The following VWDE variants were observed in gnomAD, a reference collection of about 807,000 sequenced individuals.
VWDE encodes von Willebrand factor D and EGF domains, also known as von Willebrand factor D and EGF domain-containing protein.
VWDE carries 207 observed loss-of-function variants against 178.4 expected under a neutral mutation model. The observed-to-expected ratio is 1.16, with a 90% CI of 1.04 to 1.30. VWDE has a LOEUF of 1.30. Ranked by LOEUF, VWDE falls within the 50% of genes most tolerant of loss-of-function variation. VWDE has a pLI of 0.00. For missense variants in VWDE, 2,287 were observed against 1,901.3 expected (o/e 1.20, Z -3.77); for synonymous variants, 738 against 651.4 (o/e 1.13, Z -2.02).
rs148582492 is a variant in VWDE at position 12,389,149 on chromosome 7, T to A, written c.453A>T (p.Gly151=). The A allele has an allele frequency of 6.5e-7, 1 of 1,550,280 alleles. No homozygotes were observed. Among genetic ancestry groups the A allele is most frequent in the East Asian group, 2.4e-5 (1 of 40,908 alleles). Residue 151 remains glycine, a synonymous_variant, in exon 3 of 29, where the codon GGA becomes GGT. Transcript: ENST00000275358. ...TACCTTCCGCACAGTAGCCCATACATCCCTGAGTTGGTTGTAGTAAGTATA... is the reference window on the plus strand; with the variant it reads ...TACCTTCCGCACAGTAGCCCATACAACCCTGAGTTGGTTGTAGTAAGTATA... The part of the protein sequence containing the change: ...FSVYLLQPTQ[G]CMGYCAEAIS...
chr7:12,346,258 A>G (rs1236653293), intron 19 of VWDE, among the ~76,000 whole-genome samples: 2 of 152,170 alleles, frequency 1.3e-5, no homozygotes, highest in Admixed American at 1.3e-4. Context: ...ATCACCTCAT[A>G]CACATGAGCC....
At chr7:12,368,017 T>C (rs2128554970) in intron 12 of VWDE, among the ~76,000 whole-genome samples, 1 of 152,082 alleles carries the variant, frequency 6.6e-6, no homozygotes, top group East Asian at 1.9e-4. Flanking sequence ...TGAATACAAC[T>C]CTACTAGCAG....
At chr7:12,372,197 T>G (rs1211461404) in intron 10 of VWDE, among the ~76,000 whole-genome samples, 3 of 152,120 alleles carry the variant, frequency 2.0e-5, no homozygotes, top group African/African-American at 7.2e-5. Context: ...ATTTGCTCAT[T>G]TTAATCGGAG....
chr7:12,344,519 A>C, intron 19 of VWDE, 50 bp from the exon 20 acceptor site: 1 of 1,405,314 alleles, frequency 7.1e-7, no homozygotes, highest in Non-Finnish European at 9.7e-7. Context: ...CAGAACATAC[A>C]TATTGCTCAG....
intron 7 of VWDE, 60 bp downstream of exon 7, chr7:12,377,716 G>GA (rs144769747): frequency 7.9e-5 from 90 of 1,143,012 alleles, no homozygotes; most frequent in South Asian, 3.5e-4. Context: ...TTTCCTACAG[G>GA]AAAAAAAAGC....
At position 12,393,639 on chromosome 7, in the gene VWDE, A is replaced by G. The variant is rs1379708942; in HGVS notation, c.198T>C (p.Phe66=). 6.4e-7 allele frequency: 1 copy of G among 1,551,096 alleles called. No homozygotes were observed. The highest frequency in any genetic ancestry group is 1.4e-5 in the African/African-American group (1 of 73,128). Residue 66 remains phenylalanine, a synonymous_variant, in exon 2 of 29, where the codon TTT becomes TTC. Transcript: ENST00000275358. ...TCTCGGCAGGTCTGTCAAGGATGAG[A>G]AATCTATACCATCCAGGGGAGAGGG... ...DHSLSPGWYR[F]LILDRPAEMP...
chr7:12,340,029 T>A (rs1401837189), intron 24 of VWDE, among the ~76,000 whole-genome samples: 4 of 152,200 alleles, frequency 2.6e-5, no homozygotes, highest in Admixed American at 2.0e-4. Context: ...AATTTCATTA[T>A]AACAGACTAC....
chr7:12,385,511 TA>T (rs1231666821), intron 3 of VWDE, among the ~76,000 whole-genome samples: 2 of 152,176 alleles, frequency 1.3e-5, no homozygotes, highest in Non-Finnish European at 2.9e-5. Flanking sequence ...TAAATGCAGA[TA>T]AAGAGGCTAA....
chr7:12,345,327 CT>C (rs1208852849), intron 19 of VWDE, among the ~76,000 whole-genome samples: 1 of 151,936 alleles, frequency 6.6e-6, no homozygotes, highest in Non-Finnish European at 1.5e-5. Flanking sequence ...AAAAGCATAT[CT>C]TTTTAATAAC....
At position 12,379,550 on chromosome 7, in the gene VWDE, G is replaced by C; in HGVS notation, c.806C>G (p.Ser269Cys). The C allele has an allele frequency of 6.5e-7, 1 of 1,548,562 alleles. No individual in the cohort carries two copies. The highest frequency in any genetic ancestry group is 8.7e-7 in the Non-Finnish European group (1 of 1,145,664). The change falls in exon 6 of 29, where the codon TCT becomes TGT. Residue 269 changes from serine to cysteine, a missense_variant. Ser to Cys is a moderately radical substitution (Grantham distance 112). Transcript: ENST00000275358. The stretch of plus-strand genomic sequence containing the variant: ...ATGAGGATTCTCCAAGAAAAAGACA[G>C]AAGCGCTGCAGAATATCTATGGATA... ...RLGDRIFCSASVFFLENPHVQ... is the reference protein window; with the variant it reads ...RLGDRIFCSACVFFLENPHVQ...
In VWDE at chr7:12,403,697, A is replaced by G. The variant is rs1785026150; in HGVS notation, c.20T>C (p.Val7Ala). The G allele has an allele frequency of 6.5e-7, 1 of 1,549,144 alleles. No homozygotes were observed. The highest frequency in any genetic ancestry group is 8.7e-7 in the Non-Finnish European group (1 of 1,146,306). Residue 7 changes from valine (V) to alanine (A), a missense_variant, in exon 1 of 29, where the codon GTG (valine) becomes GCG (alanine). Val to Ala is a moderately conservative substitution (Grantham distance 64). Coordinates refer to ENST00000275358, the MANE Select transcript of VWDE (RefSeq NM_001135924.3). The stretch of plus-strand genomic sequence containing the variant: ...CAGGAACATCAGCGCGATCACCAGC[A>G]CGCAGGCTCCGCCAGGCATCGCTGC... Reference protein sequence around the residue: MPGGACVLVIALMFLAW... With the variant: MPGGACALVIALMFLAW...
chr7:12,385,969 A>C (rs1178867469), intron 3 of VWDE, among the ~76,000 whole-genome samples: 5 of 152,166 alleles, frequency 3.3e-5, no homozygotes, highest in African/African-American at 1.2e-4. Flanking sequence ...GATGTCATAA[A>C]ATGCAAATTT....
intron 22 of VWDE, 57 bp from the exon 23 acceptor site, chr7:12,342,211 G>T (rs1318286104): frequency 2.9e-6 from 4 of 1,393,040 alleles, no homozygotes; most frequent in Non-Finnish European, 4.0e-6. Context: ...TCATATTGTT[G>T]GTTATTATCT....
intron 22 of VWDE, 109 bp from the exon 23 acceptor site, chr7:12,342,263 A>T (rs777108225): frequency 1.5e-6 from 1 of 674,596 alleles, no homozygotes; most frequent in Admixed American, 2.7e-5. Context: ...AATTAATAAG[A>T]TTGCAGAGAA....
intron 27 of VWDE, among the ~76,000 whole-genome samples, chr7:12,333,883 G>A (rs73680914): frequency 0.017 from 2,594 of 152,136 alleles, 72 homozygotes; most frequent in African/African-American, 0.06. Context: ...TAGAGGAGCT[G>A]AAGTCATTAA....
At chr7:12,359,452 T>C (rs1782449613) in intron 16 of VWDE, 126 bp downstream of exon 16, 2 of 593,388 alleles carry the variant, frequency 3.4e-6, no homozygotes, top group Non-Finnish European at 3.0e-6. Flanking sequence ...AATTTTGCAG[T>C]TAGGAGAGAT....
intron 15 of VWDE, 76 bp from the exon 16 acceptor site, chr7:12,359,768 G>T: frequency 2.4e-6 from 2 of 836,130 alleles, no homozygotes; most frequent in Non-Finnish European, 3.8e-6. Flanking sequence ...AAGGATGGCA[G>T]TGTATGTATT....
At chr7:12,387,035 A>T (rs1276375718) in intron 3 of VWDE, among the ~76,000 whole-genome samples, 1 of 152,196 alleles carries the variant, frequency 6.6e-6, no homozygotes, top group Non-Finnish European at 1.5e-5. Context: ...AATAATAAAC[A>T]ATAATTTAGC....
intron 1 of VWDE, among the ~76,000 whole-genome samples, chr7:12,400,691 T>C (rs1302021396): frequency 6.6e-6 from 1 of 151,812 alleles, no homozygotes; most frequent in Non-Finnish European, 1.5e-5. Flanking sequence ...ACTTTCCACC[T>C]CATTGTACGA....
Sources: gnomAD v4.1 joint callset for allele counts (sites outside exome capture counted in the v4.1 genomes callset) on GRCh38, gnomAD v4.1.1 for gene constraint, MANE v1.5 for transcripts, NCBI Gene and HGNC (gene_info 2026-07-23, HGNC 2026-07-21) for gene names.